CAMSAP2: variants seen among roughly 807,000 people sequenced by gnomAD.
CAMSAP2 encodes calmodulin-regulated spectrin-associated protein 2.
In CAMSAP2, 26 loss-of-function variants were observed where a neutral mutation model predicts 146.1. The ratio of observed to expected loss-of-function variants is 0.18; its 90% CI spans 0.13 to 0.25. The LOEUF (loss-of-function observed/expected upper bound fraction) is 0.25, where lower values mean the gene tolerates loss of function less well. CAMSAP2 is among the 10% of genes least tolerant of loss of function. The pLI, the probability that CAMSAP2 is intolerant of heterozygous loss-of-function variation, is 1.00. For missense variants in CAMSAP2, 1,381 were observed against 1,759.3 expected (o/e 0.78, Z 3.85); for synonymous variants, 499 against 596.6 (o/e 0.84, Z 2.38).
intron 2 of CAMSAP2, among the ~76,000 whole-genome samples, chr1:200,794,665 C>G (rs1316713953): frequency 1.3e-5 from 2 of 152,222 alleles, no homozygotes; most frequent in Non-Finnish European, 2.9e-5. Context: ...CAGTTCTTGG[C>G]TAGGGTCAAG....
In CAMSAP2 at chr1:200,858,149, A is replaced by G; in HGVS notation, c.*90A>G. The G allele has an allele frequency of 8.6e-7, 1 of 1,157,272 alleles. No homozygotes were observed. Among genetic ancestry groups the G allele is most frequent in the Non-Finnish European group, 1.2e-6 (1 of 821,276 alleles). 71.7% of individuals were successfully genotyped at this position (1,157,272 alleles called of 1,614,324 possible). Reference sequence around the variant, plus strand: ...GAAAATCTTTCTAATTGCCAACAAGACTTTTATTAATTAAAACTGGACATT... The same window carrying G: ...GAAAATCTTTCTAATTGCCAACAAGGCTTTTATTAATTAAAACTGGACATT... On this transcript the variant is annotated 3_prime_UTR_variant, in exon 17 of 17. Transcript: ENST00000358823.
intron 1 of CAMSAP2, among the ~76,000 whole-genome samples, chr1:200,755,846 A>G (rs1030033158): frequency 1.3e-5 from 2 of 152,226 alleles, no homozygotes; most frequent in Non-Finnish European, 2.9e-5. Flanking sequence ...CTAGAGAATT[A>G]AACTACAATG....
chr1:200,782,436 C>G (rs989094568), intron 2 of CAMSAP2, among the ~76,000 whole-genome samples: 3 of 152,160 alleles, frequency 2.0e-5, no homozygotes, highest in African/African-American at 7.2e-5. Flanking sequence ...CCCCAAAATT[C>G]CCTTGTGCCT....
At position 200,841,991 on chromosome 1, in the gene CAMSAP2, T is replaced by A; in HGVS notation, c.928-3T>A. The A allele has an allele frequency of 6.2e-7, 1 of 1,605,416 alleles. No individual in the cohort carries two copies. The highest frequency in any genetic ancestry group is 8.5e-7 in the Non-Finnish European group (1 of 1,172,248). ...TAGGCTTTCTCTTAAATTTCCTATA[T>A]AGAGTAATTATTTGGTGTTCATGGC... On this transcript the variant is annotated splice_region_variant and splice_polypyrimidine_tract_variant and intron_variant, in intron 6 of 16. Coordinates refer to ENST00000358823, the MANE Select transcript of CAMSAP2 (RefSeq NM_203459.4).
intron 2 of CAMSAP2, among the ~76,000 whole-genome samples, chr1:200,806,072 GC>G (rs1666162715): frequency 6.6e-6 from 1 of 152,188 alleles, no homozygotes; most frequent in East Asian, 1.9e-4. Flanking sequence ...CAACTCCAAA[GC>G]CATAAAGGAA....
chr1:200,847,504 T>C (rs189244318), intron 9 of CAMSAP2, 136 bp from the exon 10 acceptor site: 1 of 783,232 alleles, frequency 1.3e-6, no homozygotes, highest in Non-Finnish European at 2.1e-6. Context: ...TTGATAAAAT[T>C]ATCTCTAATT....
At chr1:200,847,804 C>G in intron 10 of CAMSAP2, 95 bp downstream of exon 10, 2 of 1,142,146 alleles carry the variant, frequency 1.8e-6, no homozygotes, top group South Asian at 2.7e-5. Context: ...ATTGCTAAAA[C>G]TTTTAATTAG....
At chr1:200,841,283 G>T (rs1486705602) in intron 6 of CAMSAP2, among the ~76,000 whole-genome samples, 1 of 152,200 alleles carries the variant, frequency 6.6e-6, no homozygotes, top group Non-Finnish European at 1.5e-5. Flanking sequence ...GTCTTGCCCT[G>T]TCACCCAGGC....
At chr1:200,781,929 T>C (rs1286547478) in intron 2 of CAMSAP2, among the ~76,000 whole-genome samples, 1 of 152,210 alleles carries the variant, frequency 6.6e-6, no homozygotes, top group Non-Finnish European at 1.5e-5. Context: ...ACTCCATTAT[T>C]AGTGAACCAG....
intron 1 of CAMSAP2, among the ~76,000 whole-genome samples, chr1:200,743,800 G>T (rs1664243435): frequency 1.3e-5 from 2 of 152,084 alleles, no homozygotes; most frequent in South Asian, 4.1e-4. Context: ...AATTAGCTGG[G>T]CATGGTGGCG....
intron 7 of CAMSAP2, among the ~76,000 whole-genome samples, chr1:200,843,691 T>C (rs182915304): frequency 1.6e-4 from 25 of 152,326 alleles, no homozygotes; most frequent in Non-Finnish European, 7.4e-5. Flanking sequence ...AATAAAAGTA[T>C]ACCAGCAGGT....
chr1:200,816,605 A>AAAATAT (rs1364421397), intron 4 of CAMSAP2, among the ~76,000 whole-genome samples: 2 of 111,230 alleles, frequency 1.8e-5, no homozygotes, highest in East Asian at 2.5e-4. Context: ...AAAAAAAAAA[A>AAAATAT]ATATATATAT....
intron 1 of CAMSAP2, among the ~76,000 whole-genome samples, chr1:200,744,375 C>T (rs1462028428): frequency 6.6e-6 from 1 of 151,990 alleles, no homozygotes; most frequent in Admixed American, 6.6e-5. Flanking sequence ...ATGAGGTTAC[C>T]TGAGATTTTG....
intron 2 of CAMSAP2, among the ~76,000 whole-genome samples, chr1:200,763,802 G>A (rs1184388168): frequency 6.6e-6 from 1 of 152,138 alleles, no homozygotes; most frequent in African/African-American, 2.4e-5. Flanking sequence ...TTGGCTGGGC[G>A]TGGTGGCTCG....
chr1:200,773,253 A>T (rs1204390979), intron 2 of CAMSAP2, among the ~76,000 whole-genome samples: 2 of 151,824 alleles, frequency 1.3e-5, no homozygotes, highest in Non-Finnish European at 2.9e-5. Context: ...TTTTATTTTT[A>T]TTTATTTATT....
chr1:200,852,907 T>G (rs1436065221), intron 12 of CAMSAP2, among the ~76,000 whole-genome samples: 1 of 152,170 alleles, frequency 6.6e-6, no homozygotes, highest in African/African-American at 2.4e-5. Flanking sequence ...TATTTTTATC[T>G]TAAGTTTAAG....
Position 200,853,615 on chromosome 1 carries a change from C to A in CAMSAP2, c.3823+120C>A. The stretch of plus-strand genomic sequence containing the variant: ...GATACACAGTTTGAGATTGTGCATG[C>A]TCCCTTTTGGAAAACCAAAATGAGC... On this transcript the variant is annotated intron_variant, in intron 13 of 16. Transcript: ENST00000358823. The surrounding 1 kb of genome is among the most constrained non-coding windows in gnomAD (Gnocchi z 5.1). 2.6e-6 allele frequency: 2 copies of A among 759,210 alleles called. No homozygotes were observed. Among genetic ancestry groups the A allele is most frequent in the Non-Finnish European group, 4.3e-6 (2 of 465,140 alleles). The allele number at this position is 759,210 out of a possible 1,614,324, so 47.0% of individuals were successfully genotyped here.
chr1:200,829,957 AAAAC>A (rs1312722993), intron 4 of CAMSAP2, among the ~76,000 whole-genome samples: 4 of 152,074 alleles, frequency 2.6e-5, no homozygotes, highest in Admixed American at 1.3e-4. Context: ...AAATAAAAAT[AAAAC>A]AAACAACAAA....
intron 2 of CAMSAP2, among the ~76,000 whole-genome samples, chr1:200,784,617 CTATA>C (rs1442613692): frequency 6.6e-6 from 1 of 152,134 alleles, no homozygotes; most frequent in Admixed American, 6.6e-5. Flanking sequence ...TGTGACCTTG[CTATA>C]TACATTTATT....
Sources: allele counts gnomAD v4.1 joint callset (sites outside exome capture counted in the v4.1 genomes callset), GRCh38; gene constraint gnomAD v4.1.1; non-coding constraint Gnocchi (gnomAD v3.1); transcripts MANE v1.5; gene names NCBI Gene and HGNC (gene_info 2026-07-23, HGNC 2026-07-21).